The following PGCKA1 variants were observed in gnomAD, a reference collection of about 807,000 sequenced individuals.
PGCKA1 encodes PDCD10 and GCKIII kinases associated 1.
At chr4:37,555,566 C>G in the PGCKA1 span, among the ~76,000 whole-genome samples, 26 of 152,258 alleles carry the variant, frequency 1.7e-4, no homozygotes, top group African/African-American at 5.5e-4. Flanking sequence ...CATCCACATG[C>G]AAAATATGGG....
At chr4:37,511,123 G>A in the PGCKA1 span, among the ~76,000 whole-genome samples, 1 of 152,096 alleles carries the variant, frequency 6.6e-6, no homozygotes, top group South Asian at 2.1e-4. Context: ...TCTATCCCAG[G>A]GCAGGTCCAA....
the PGCKA1 span, among the ~76,000 whole-genome samples, chr4:37,532,884 A>C: frequency 1.3e-5 from 2 of 151,752 alleles, no homozygotes; most frequent in African/African-American, 4.8e-5. Context: ...AATGTCATGC[A>C]TTTTTGTAGT....
chr4:37,517,092 A>T, the PGCKA1 span, among the ~76,000 whole-genome samples: 2 of 151,976 alleles, frequency 1.3e-5, no homozygotes, highest in Non-Finnish European at 2.9e-5. Context: ...TCTACTAAAA[A>T]TACAAAAAAT....
the PGCKA1 span, among the ~76,000 whole-genome samples, chr4:37,501,649 A>C: frequency 0.12 from 18,337 of 152,174 alleles, 1,266 homozygotes; most frequent in East Asian, 0.33. Flanking sequence ...GTAAGGCAGG[A>C]CTGGTGGTAA....
chr4:37,581,049 C>T, the PGCKA1 span, among the ~76,000 whole-genome samples: 1 of 152,140 alleles, frequency 6.6e-6, no homozygotes, highest in Non-Finnish European at 1.5e-5. This position sits in a 1 kb window ranked among gnomAD's most constrained non-coding sequence, Gnocchi z 4.4. Context: ...TATTGCCAGG[C>T]TACTGCCGAT....
chr4:37,535,171 G>T, the PGCKA1 span, among the ~76,000 whole-genome samples: 1 of 152,166 alleles, frequency 6.6e-6, no homozygotes, highest in African/African-American at 2.4e-5. Flanking sequence ...CGGAGAGAAG[G>T]CTGTCCATGG....
chr4:37,490,639 C>T, the PGCKA1 span, among the ~76,000 whole-genome samples: 1 of 152,276 alleles, frequency 6.6e-6, no homozygotes, highest in African/African-American at 2.4e-5. Flanking sequence ...CCCGGCTTCT[C>T]CTCTCACCTG....
chr4:37,591,860 G>C, the PGCKA1 span: 3 of 152,096 alleles, frequency 2.0e-5, no homozygotes, highest in Non-Finnish European at 4.4e-5. Flanking sequence ...ACTCAAAGGT[G>C]GTTCTAATTT....
At chr4:37,563,148 AGTTG>A in the PGCKA1 span, among the ~76,000 whole-genome samples, 3 of 141,830 alleles carry the variant, frequency 2.1e-5, no homozygotes, top group Non-Finnish European at 3.1e-5. Flanking sequence ...AAAATAAAAT[AGTTG>A]GGTGGGATAA....
At chr4:37,513,777 G>A in the PGCKA1 span, among the ~76,000 whole-genome samples, 2 of 152,320 alleles carry the variant, frequency 1.3e-5, no homozygotes, top group East Asian at 3.9e-4. Context: ...CAGAAATTGT[G>A]TGGAGACTAA....
the PGCKA1 span, among the ~76,000 whole-genome samples, chr4:37,552,093 C>G: frequency 9.2e-5 from 14 of 152,212 alleles, no homozygotes; most frequent in African/African-American, 2.9e-4. Flanking sequence ...AGCCCGGGGC[C>G]AGGCCCAAAA....
the PGCKA1 span, among the ~76,000 whole-genome samples, chr4:37,580,751 C>G: frequency 6.6e-6 from 1 of 152,226 alleles, no homozygotes; most frequent in South Asian, 2.1e-4. Flanking sequence ...TCTGTAACCA[C>G]TAGCTAGCTA....
At chr4:37,458,469 T>C in the PGCKA1 span, among the ~76,000 whole-genome samples, 13 of 140,788 alleles carry the variant, frequency 9.2e-5, no homozygotes, top group African/African-American at 3.1e-4. Flanking sequence ...TGGGCTTGGG[T>C]GGGCAAATTA....
the PGCKA1 span, chr4:37,590,725 G>A: frequency 1.2e-6 from 2 of 1,614,144 alleles, no homozygotes; most frequent in Middle Eastern, 1.6e-4. Context: ...TCAGCCCCCA[G>A]TGGGGGAGCA....
At chr4:37,464,277 G>A in the PGCKA1 span, among the ~76,000 whole-genome samples, 1 of 152,228 alleles carries the variant, frequency 6.6e-6, no homozygotes, top group African/African-American at 2.4e-5. Flanking sequence ...AGAAGAGACG[G>A]TAATGAGGGC....
chr4:37,535,261 A>G, the PGCKA1 span, among the ~76,000 whole-genome samples: 35 of 152,310 alleles, frequency 2.3e-4, no homozygotes, highest in African/African-American at 7.7e-4. Flanking sequence ...GGTGGCTCAC[A>G]CCTGTAATCC....
At chr4:37,541,535 C>T in the PGCKA1 span, among the ~76,000 whole-genome samples, 336 of 152,358 alleles carry the variant, frequency 2.2e-3, 1 homozygote, top group African/African-American at 7.3e-3. Context: ...GGGCCTCCCT[C>T]TACCAGCCTA....
At chr4:37,556,332 A>G in the PGCKA1 span, among the ~76,000 whole-genome samples, 3 of 151,936 alleles carry the variant, frequency 2.0e-5, no homozygotes, top group Non-Finnish European at 4.4e-5. Flanking sequence ...CAGTGGCACC[A>G]TCTCGGCTCA....
chr4:37,516,970 C>T, the PGCKA1 span, among the ~76,000 whole-genome samples: 2 of 152,066 alleles, frequency 1.3e-5, no homozygotes, highest in African/African-American at 4.8e-5. Context: ...AAAAATTATA[C>T]AGTAGGCCAG....
Sources: allele counts gnomAD v4.1 joint callset (sites outside exome capture counted in the v4.1 genomes callset), GRCh38; gene constraint gnomAD v4.1.1; non-coding constraint Gnocchi (gnomAD v3.1); transcripts MANE v1.5; gene names NCBI Gene and HGNC (gene_info 2026-07-23, HGNC 2026-07-21).